The following BIVM variants were observed in gnomAD, a reference collection of about 807,000 sequenced individuals.
The protein encoded by BIVM is basic, immunoglobulin-like variable motif containing, also known as basic immunoglobulin-like variable motif-containing protein.
Under a neutral mutation model 61.4 loss-of-function variants are expected in BIVM, and 31 were observed. That is an observed-to-expected ratio of 0.51 (90% CI 0.38 to 0.68). The LOEUF is 0.68. Among genes scored for constraint, BIVM ranks in the 30% least tolerant of loss-of-function variants. The pLI is 0.00. For missense variants in BIVM, 526 were observed against 596.0 expected (o/e 0.88, Z 1.22); for synonymous variants, 189 against 210.7 (o/e 0.90, Z 0.89).
intron 3 of BIVM, among the ~76,000 whole-genome samples, chr13:102,808,710 G>A (rs1228184239): frequency 1.3e-5 from 2 of 151,880 alleles, no homozygotes; most frequent in Admixed American, 1.3e-4. Flanking sequence ...TTTTCCTCCT[G>A]TTTTCTGAGG....
chr13:102,830,400 C>A (rs551810912), intron 7 of BIVM, among the ~76,000 whole-genome samples: 110 of 152,246 alleles, frequency 7.2e-4, no homozygotes, highest in African/African-American at 2.5e-3. Context: ...TTTTAATGGG[C>A]TGTTTATGAA....
intron 3 of BIVM, among the ~76,000 whole-genome samples, chr13:102,808,946 T>C (rs1252319180): frequency 6.6e-6 from 1 of 152,278 alleles, no homozygotes; most frequent in South Asian, 2.1e-4. Flanking sequence ...AACTGATCAA[T>C]CTAGCTAGGA....
chr13:102,831,604 A>G lies in BIVM; in HGVS notation c.941A>G (p.Asp314Gly). 1 of 1,614,188 alleles carries G rather than the reference A, an allele frequency of 6.2e-7. No homozygotes were observed. Among genetic ancestry groups the G allele is most frequent in the Non-Finnish European group, 8.5e-7 (1 of 1,180,034 alleles). The change falls in exon 8 of 11, where the codon GAT becomes GGT. Residue 314 changes from aspartate (D) to glycine (G), a missense_variant. Transcript: ENST00000257336. ...TCAAAGTTAACCCGTGGATTGAAAG[A>G]TGAATCGCTGGCTTATATCTATCAT... is the stretch of plus-strand genomic sequence containing the variant. ...ALSKLTRGLK[D>G]ESLAYIYHCQ...
intron 9 of BIVM, among the ~76,000 whole-genome samples, chr13:102,837,750 A>C (rs1307888996): frequency 6.6e-6 from 1 of 152,254 alleles, no homozygotes; most frequent in Non-Finnish European, 1.5e-5. Context: ...GTCTTTTGCA[A>C]CAACTTGGGT....
At chr13:102,831,270 A>C (rs1881047168) in intron 7 of BIVM, among the ~76,000 whole-genome samples, 1 of 152,240 alleles carries the variant, frequency 6.6e-6, no homozygotes, top group South Asian at 2.1e-4. Flanking sequence ...TGCTGAATAC[A>C]CTAGGTAAAT....
At chr13:102,831,739 T>C (rs923410851) in intron 8 of BIVM, 42 bp downstream of exon 8, 1 of 1,609,400 alleles carries the variant, frequency 6.2e-7, no homozygotes, top group African/African-American at 1.3e-5. Flanking sequence ...TTAAGAAATA[T>C]TAAAAAATAG....
intron 5 of BIVM, among the ~76,000 whole-genome samples, chr13:102,821,492 C>G (rs1298633542): frequency 6.6e-6 from 1 of 152,076 alleles, no homozygotes; most frequent in African/African-American, 2.4e-5. Flanking sequence ...TTTCTAGTCT[C>G]TTAGGAGACT....
intron 7 of BIVM, among the ~76,000 whole-genome samples, chr13:102,826,681 G>A (rs568943027): frequency 6.6e-6 from 1 of 152,208 alleles, no homozygotes; most frequent in Non-Finnish European, 1.5e-5. Flanking sequence ...GGCCCTGGGA[G>A]ACACCAGAAC....
chr13:102,822,998 T>A (rs1249386109), intron 7 of BIVM, among the ~76,000 whole-genome samples: 1 of 152,084 alleles, frequency 6.6e-6, no homozygotes, highest in African/African-American at 2.4e-5. Flanking sequence ...GTATGGGGAT[T>A]CTTGCTAAAG....
intron 9 of BIVM, 62 bp from the exon 10 acceptor site, chr13:102,838,581 C>A: frequency 7.1e-7 from 1 of 1,398,862 alleles, no homozygotes. Context: ...ATGAAAAATT[C>A]CATTGCAATG....
In BIVM at chr13:102,838,665, C is replaced by G. The variant is rs564226314; in HGVS notation, c.1144C>G (p.Leu382Val). The change falls in exon 10 of 11, where the codon CTA becomes GTA. Residue 382 changes from leucine to valine, a missense_variant. Around this residue, in one of 3 missense-constraint regions of BIVM, gnomAD observed 210 missense variants for 233.1 expected, o/e 0.90. Coordinates refer to ENST00000257336, the MANE Select transcript of BIVM (RefSeq NM_017693.4). ...TAGATGGGCAGATATTGTTACTGAT[C>G]TAAACACTCAAAATCCAGAATACCT... is the stretch of plus-strand genomic sequence containing the variant. ...CKKWADIVTD[L>V]NTQNPEYLDI... 1 of 1,612,958 alleles carries G rather than the reference C, an allele frequency of 6.2e-7. No homozygotes were observed.
At chr13:102,813,938 C>T (rs1030043651) in intron 3 of BIVM, among the ~76,000 whole-genome samples, 4 of 152,172 alleles carry the variant, frequency 2.6e-5, no homozygotes, top group African/African-American at 9.7e-5. Context: ...CCTCTCACCT[C>T]ACTTTCAGTG....
At position 102,805,658 on chromosome 13, in the gene BIVM, A is replaced by G. The variant is rs533533801; in HGVS notation, c.-123+268A>G. Among the ~76,000 whole-genome samples the G allele has an allele frequency of 2.0e-3, 309 of 152,254 alleles. 2 individuals carry two copies. Among genetic ancestry groups the G allele is most frequent in the African/African-American group, 7.1e-3 (295 of 41,554 alleles). On this transcript the variant is annotated intron_variant, in intron 2 of 10. Coordinates refer to ENST00000257336, the MANE Select transcript of BIVM (RefSeq NM_017693.4). ...TATCATTATTACAAAAAGAAACTCC[A>G]TCACCCCCAAACCCCAAGCCCTAGG...
intron 9 of BIVM, among the ~76,000 whole-genome samples, chr13:102,835,007 C>G (rs1256275911): frequency 6.6e-6 from 1 of 152,088 alleles, no homozygotes; most frequent in Non-Finnish European, 1.5e-5. Flanking sequence ...GTCAATGAAG[C>G]TCTTGGGAAC....
At chr13:102,836,652 C>CT (rs889865892) in intron 9 of BIVM, among the ~76,000 whole-genome samples, 3 of 152,120 alleles carry the variant, frequency 2.0e-5, no homozygotes, top group African/African-American at 7.2e-5. Flanking sequence ...TAGAGCTCAA[C>CT]TTTGATTTTT....
At chr13:102,816,608 G>A (rs7320687) in intron 4 of BIVM, 54 bp downstream of exon 4, 425,906 of 1,411,738 alleles carry the variant, frequency 0.3, 65,524 homozygotes, top group Admixed American at 0.39. Context: ...ATATATGTTG[G>A]CAATAACGTA....
chr13:102,831,516 G>C, intron 7 of BIVM, 49 bp from the exon 8 acceptor site: 2 of 1,611,020 alleles, frequency 1.2e-6, no homozygotes, highest in Non-Finnish European at 1.7e-6. Flanking sequence ...GTAAAGCATG[G>C]ACACTGCTTT....
At chr13:102,836,170 T>C (rs1881456447) in intron 9 of BIVM, among the ~76,000 whole-genome samples, 1 of 150,150 alleles carries the variant, frequency 6.7e-6, no homozygotes, top group Non-Finnish European at 1.5e-5. Context: ...TTCTAATTAA[T>C]CTTAATTAAA....
chr13:102,837,441 A>G (rs2140502835), intron 9 of BIVM, among the ~76,000 whole-genome samples: 1 of 152,282 alleles, frequency 6.6e-6, no homozygotes, highest in East Asian at 1.9e-4. Context: ...TATGTGTTCT[A>G]TTACACTGCT....
Sources: allele counts gnomAD v4.1 joint callset (sites outside exome capture counted in the v4.1 genomes callset), GRCh38; gene constraint gnomAD v4.1.1; regional missense constraint gnomAD v4.1.1; transcripts MANE v1.5; gene names NCBI Gene and HGNC (gene_info 2026-07-23, HGNC 2026-07-21).